MACROD2: variants seen among roughly 807,000 people sequenced by gnomAD.
The protein encoded by MACROD2 is ADP-ribose glycohydrolase MACROD2.
In MACROD2, 36 loss-of-function variants were observed where a neutral mutation model predicts 70.4. The observed-to-expected ratio is 0.51, with a 90% CI of 0.39 to 0.68. MACROD2 has a LOEUF of 0.68. MACROD2 is among the 30% of genes least tolerant of loss of function. The probability of loss-of-function intolerance (pLI) is 0.00; values close to 1 mark genes in which losing one functional copy is unlikely to be tolerated. For synonymous variants in MACROD2, 172 were observed against 178.8 expected (o/e 0.96, Z 0.30); for missense variants, 496 against 538.4 (o/e 0.92, Z 0.78).
chr20:14,846,382 C>A (rs954350307), intron 5 of MACROD2, among the ~76,000 whole-genome samples: 4 of 151,932 alleles, frequency 2.6e-5, no homozygotes, highest in Non-Finnish European at 5.9e-5. Context: ...CGCCACCATG[C>A]CTGGCTAATT....
chr20:15,925,574 C>T (rs6080026), intron 10 of MACROD2, among the ~76,000 whole-genome samples: 96,906 of 151,992 alleles, frequency 0.64, 33,061 homozygotes, highest in Non-Finnish European at 0.76. Context: ...AGTTTTGGTA[C>T]GCTTGGGTCA....
In MACROD2 at chr20:14,326,904, T is replaced by C. The variant is rs773079800; in HGVS notation, c.272-166575T>C. 1 of 1,613,822 alleles carries C rather than the reference T, an allele frequency of 6.2e-7. No individual in the cohort carries two copies. Among genetic ancestry groups the C allele is most frequent in the Admixed American group, 1.7e-5 (1 of 59,972 alleles). ...GGTTTCCATCTAGAACCAGGCGTTTTAGACTAGTGAGACCTTGAAGAGATG... is the reference window on the plus strand; with the variant it reads ...GGTTTCCATCTAGAACCAGGCGTTTCAGACTAGTGAGACCTTGAAGAGATG... On this transcript the variant is annotated intron_variant, in intron 3 of 17. Transcript: ENST00000684519. The surrounding 1 kb of genome is among the most constrained non-coding windows in gnomAD (Gnocchi z 5.5).
At chr20:15,448,347 A>G (rs886123246) in intron 7 of MACROD2, among the ~76,000 whole-genome samples, 12 of 152,148 alleles carry the variant, frequency 7.9e-5, no homozygotes, top group African/African-American at 2.7e-4. Flanking sequence ...GTGGTTAACA[A>G]GCAAGGCCCC....
chr20:15,374,727 T>G (rs2146267154), intron 6 of MACROD2, among the ~76,000 whole-genome samples: 2 of 152,354 alleles, frequency 1.3e-5, no homozygotes, highest in East Asian at 3.9e-4. Context: ...CCCGTTACAC[T>G]TAACTTAAAC....
At chr20:14,155,970 T>G (rs1378800957) in intron 3 of MACROD2, among the ~76,000 whole-genome samples, 1 of 152,158 alleles carries the variant, frequency 6.6e-6, no homozygotes, top group Non-Finnish European at 1.5e-5. Context: ...GAGACCAGTC[T>G]GGGCAGCATG....
intron 3 of MACROD2, among the ~76,000 whole-genome samples, chr20:14,252,298 T>C (rs2122276840): frequency 6.6e-6 from 1 of 152,086 alleles, no homozygotes; most frequent in East Asian, 1.9e-4. Context: ...TGTTTCCCAG[T>C]CACTGTTCCC....
intron 3 of MACROD2, among the ~76,000 whole-genome samples, chr20:14,318,879 A>G (rs905143794): frequency 6.6e-6 from 1 of 151,962 alleles, no homozygotes; most frequent in Non-Finnish European, 1.5e-5. Context: ...TTCCCATGTG[A>G]TTGGCATTTT....
At chr20:14,528,465 C>T (rs897282627) in intron 4 of MACROD2, among the ~76,000 whole-genome samples, 1 of 151,994 alleles carries the variant, frequency 6.6e-6, no homozygotes, top group Admixed American at 6.6e-5. Flanking sequence ...GAAGTCTACA[C>T]TCCTTAACAT....
intron 4 of MACROD2, 186 bp downstream of exon 4, chr20:14,493,694 T>C (rs1310686573): frequency 2.0e-5 from 10 of 503,804 alleles, no homozygotes; most frequent in East Asian, 7.1e-5. Flanking sequence ...GTTATTTTAA[T>C]TGACTTCGAG....
chr20:15,760,195 G>A (rs777956291), intron 8 of MACROD2, among the ~76,000 whole-genome samples: 1 of 152,138 alleles, frequency 6.6e-6, no homozygotes, highest in Non-Finnish European at 1.5e-5. Context: ...GAGTGTCTCG[G>A]CTTCACGAAA....
intron 3 of MACROD2, among the ~76,000 whole-genome samples, chr20:14,423,727 C>T (rs1010876372): frequency 2.2e-5 from 3 of 133,546 alleles, no homozygotes; most frequent in Non-Finnish European, 4.9e-5. Flanking sequence ...AAGTTGCTTT[C>T]TAGTCCACCA....
Position 15,517,668 on chromosome 20 carries a change from C to T in MACROD2, c.645+17821C>T, listed in dbSNP as rs8119587. Among the ~76,000 whole-genome samples, 977 of 152,192 alleles carry T rather than the reference C, an allele frequency of 6.4e-3. 17 individuals carry two copies. Among genetic ancestry groups the T allele is most frequent in the African/African-American group, 0.022 (933 of 41,512 alleles). ...AAGGGGTATGCCAGACAGCAATCAGCGACAAAGATGCAGAGGTGACAAGAA... is the reference window on the plus strand; with the variant it reads ...AAGGGGTATGCCAGACAGCAATCAGTGACAAAGATGCAGAGGTGACAAGAA... On this transcript the variant is annotated intron_variant, in intron 8 of 17. Coordinates refer to ENST00000684519, the MANE Select transcript of MACROD2 (RefSeq NM_001351661.2).
At chr20:15,574,880 A>C (rs1487478025) in intron 8 of MACROD2, among the ~76,000 whole-genome samples, 1 of 152,184 alleles carries the variant, frequency 6.6e-6, no homozygotes, top group Non-Finnish European at 1.5e-5. Context: ...TAATTTAACA[A>C]GGTCATGTAT....
intron 9 of MACROD2, among the ~76,000 whole-genome samples, chr20:15,877,070 A>G (rs573678440): frequency 6.6e-6 from 1 of 152,052 alleles, no homozygotes; most frequent in Non-Finnish European, 1.5e-5. Context: ...ATTTGATCAC[A>G]TGACCCTTTA....
chr20:15,742,846 G>A (rs2051124888), intron 8 of MACROD2, among the ~76,000 whole-genome samples: 1 of 152,116 alleles, frequency 6.6e-6, no homozygotes, highest in Non-Finnish European at 1.5e-5. Context: ...CATAAGCGTG[G>A]GCTATTTCTG....
intron 4 of MACROD2, among the ~76,000 whole-genome samples, chr20:14,610,413 G>A (rs1983084017): frequency 6.6e-6 from 1 of 151,888 alleles, no homozygotes; most frequent in Admixed American, 6.6e-5. Context: ...TAAAATATTT[G>A]TCACTCTGTG....
chr20:14,232,339 A>G (rs1427846346), intron 3 of MACROD2, among the ~76,000 whole-genome samples: 1 of 152,212 alleles, frequency 6.6e-6, no homozygotes, highest in Non-Finnish European at 1.5e-5. Context: ...CTTCGAAGCT[A>G]AGTATTGACT....
intron 8 of MACROD2, among the ~76,000 whole-genome samples, chr20:15,859,773 T>C (rs898732795): frequency 6.3e-5 from 9 of 143,582 alleles, no homozygotes; most frequent in Admixed American, 5.6e-4. Context: ...TTTTTTTTTT[T>C]CTGGGAAAAT....
intron 3 of MACROD2, among the ~76,000 whole-genome samples, chr20:14,202,316 C>T (rs1406769923): frequency 6.6e-6 from 1 of 152,140 alleles, no homozygotes; most frequent in Non-Finnish European, 1.5e-5. Context: ...GGTGTCAAAA[C>T]TGTTTGCTTA....
Sources: allele counts gnomAD v4.1 joint callset (sites outside exome capture counted in the v4.1 genomes callset), GRCh38; gene constraint gnomAD v4.1.1; non-coding constraint Gnocchi (gnomAD v3.1); transcripts MANE v1.5; gene names NCBI Gene and HGNC (gene_info 2026-07-23, HGNC 2026-07-21).